The following ECE1 variants were observed in gnomAD, a reference collection of about 807,000 sequenced individuals.
ECE1 encodes the protein endothelin-converting enzyme 1.
In ECE1, 35 loss-of-function variants were observed where a neutral mutation model predicts 98.6. The ratio of observed to expected loss-of-function variants is 0.35; its 90% confidence interval spans 0.27 to 0.47. ECE1 has a LOEUF of 0.47. Ranked by LOEUF, ECE1 falls within the 20% of genes least tolerant of loss-of-function variation. ECE1 has a pLI of 1.00. For missense variants in ECE1, 814 were observed against 1,025.3 expected, an observed-to-expected ratio of 0.79 and a Z score of 2.81; for synonymous variants, 394 against 407.1, an observed-to-expected ratio of 0.97 and a Z score of 0.39.
chr1:21,261,771 T>G (rs907633686), intron 4 of ECE1, among the ~76,000 whole-genome samples: 6 of 151,494 alleles, frequency 4.0e-5, no homozygotes, highest in African/African-American at 1.5e-4. Context: ...TTCGGAGGGG[T>G]GGGGAGAAGA....
chr1:21,220,263 G>A lies in ECE1; in HGVS notation c.2137-132C>T, dbSNP rs2098165716. 9.8e-7 allele frequency: 1 copy of A among 1,016,798 alleles called. No homozygotes were observed. The highest frequency in any genetic ancestry group is 1.4e-6 in the Non-Finnish European group (1 of 712,992). 63.0% of individuals were successfully genotyped at this position (1,016,798 alleles called of 1,614,324 possible). The stretch of plus-strand genomic sequence containing the variant: ...GTAATCCCAGCACTTTGGGAGCCAA[G>A]GTGGAAGGGCTGCTTGAGCCCAGGA... On this transcript the variant is annotated intron_variant, in intron 18 of 18. Transcript: ENST00000374893. This position sits in a 1 kb window ranked among gnomAD's most constrained non-coding sequence, Gnocchi z 5.0.
At chr1:21,284,255 A>G (rs986891115) in intron 2 of ECE1, among the ~76,000 whole-genome samples, 1 of 152,172 alleles carries the variant, frequency 6.6e-6, no homozygotes, top group Non-Finnish European at 1.5e-5. Flanking sequence ...CCCGTCAAGC[A>G]TGGGAGACTG....
chr1:21,228,740 G>C (rs1242056254), intron 14 of ECE1, among the ~76,000 whole-genome samples: 1 of 151,486 alleles, frequency 6.6e-6, no homozygotes, highest in Non-Finnish European at 1.5e-5. Context: ...AGTGAGCTGA[G>C]ATTGAGCCAC....
chr1:21,315,092 T>C (rs1168966819), intron 1 of ECE1, among the ~76,000 whole-genome samples: 1 of 152,228 alleles, frequency 6.6e-6, no homozygotes, highest in Non-Finnish European at 1.5e-5. Context: ...GTTAAGACTG[T>C]CACACTCATT....
chr1:21,255,646 A>G (rs190996670), intron 8 of ECE1, among the ~76,000 whole-genome samples: 14 of 152,318 alleles, frequency 9.2e-5, no homozygotes, highest in Admixed American at 7.8e-4. Flanking sequence ...GGCGCTGTCA[A>G]TGTAAGCTGG....
chr1:21,344,578 C>A (rs935932066), intron 1 of ECE1, among the ~76,000 whole-genome samples: 6 of 152,152 alleles, frequency 3.9e-5, no homozygotes, highest in African/African-American at 9.7e-5. Context: ...AACAGCCCCC[C>A]CCCAGGAAGC....
intron 4 of ECE1, chr1:21,265,991 C>A (rs1016809309): frequency 1.3e-5 from 2 of 152,252 alleles, no homozygotes; most frequent in Non-Finnish European, 2.9e-5. Context: ...CCAGAAGCTT[C>A]CTCAGTCCCT....
chr1:21,292,991 C>T (rs548024062), upstream of ECE1, among the ~76,000 whole-genome samples: 2 of 152,064 alleles, frequency 1.3e-5, no homozygotes, highest in African/African-American at 2.4e-5. Flanking sequence ...TACCAGGTGT[C>T]GATTGCCAGA....
At chr1:21,249,475 C>A (rs997889639) in intron 8 of ECE1, among the ~76,000 whole-genome samples, 1 of 152,036 alleles carries the variant, frequency 6.6e-6, no homozygotes, top group Middle Eastern at 3.4e-3. Context: ...GTGGGCAGAT[C>A]GCTTGAGCCC....
At position 21,219,851 on chromosome 1, in the gene ECE1, G is replaced by A; in HGVS notation, c.*104C>T. ...GAAAACCCGCCAGTGTGAGGAAGCAGGGCCCCGGGTGGCCAAGCGGGCTGA... is the reference window on the plus strand; with the variant it reads ...GAAAACCCGCCAGTGTGAGGAAGCAAGGCCCCGGGTGGCCAAGCGGGCTGA... On this transcript the variant is annotated 3_prime_UTR_variant, in exon 19 of 19. Transcript: ENST00000374893. This position sits in a 1 kb window ranked among gnomAD's most constrained non-coding sequence, Gnocchi z 4.5. 6 of 1,467,906 alleles carry A rather than the reference G, an allele frequency of 4.1e-6. No homozygotes were observed. The highest frequency in any genetic ancestry group is 5.6e-6 in the Non-Finnish European group (6 of 1,067,394). The allele number at this position is 1,467,906 out of a possible 1,614,324, so 90.9% of individuals were successfully genotyped here. A position where few individuals can be genotyped will look rare whatever the true frequency, so the allele number is the denominator to read the frequency against.
At chr1:21,329,673 C>G (rs997841452) in intron 1 of ECE1, among the ~76,000 whole-genome samples, 1 of 152,196 alleles carries the variant, frequency 6.6e-6, no homozygotes, top group Non-Finnish European at 1.5e-5. Flanking sequence ...AAATGCTTCT[C>G]TGTCTGTCTG....
In ECE1 at chr1:21,260,633, T is replaced by C. The variant is rs751238755; in HGVS notation, c.494-241A>G. The stretch of plus-strand genomic sequence containing the variant: ...CTGCAAAGAAAAAGAATCGACCACG[T>C]TTCTCTCCCTCTGCCAGTTGGGTTC... On this transcript the variant is annotated intron_variant, in intron 4 of 18. Transcript: ENST00000374893. The surrounding 1 kb of genome is among the most constrained non-coding windows in gnomAD (Gnocchi z 4.3). Among the ~76,000 whole-genome samples, 11 of 152,212 alleles carry C rather than the reference T, an allele frequency of 7.2e-5. No homozygotes were observed. The highest frequency in any genetic ancestry group is 1.6e-4 in the Non-Finnish European group (11 of 68,008).
intron 1 of ECE1, among the ~76,000 whole-genome samples, chr1:21,301,276 C>T (rs923208893): frequency 4.6e-5 from 7 of 151,930 alleles, no homozygotes; most frequent in Non-Finnish European, 8.8e-5. Context: ...GGGCGGATCA[C>T]GAGGTCAGGA....
intron 1 of ECE1, among the ~76,000 whole-genome samples, chr1:21,326,770 C>G (rs1419007786): frequency 3.9e-5 from 6 of 152,116 alleles, no homozygotes; most frequent in Non-Finnish European, 8.8e-5. Context: ...AGACAGCAGC[C>G]AGCAGCCTGC....
Position 21,319,901 on chromosome 1 carries a change from C to A in ECE1, c.3+25475G>T, listed in dbSNP as rs1638925130. ...TGTCTTGAGTCCACAGGTGTCCCCA[C>A]CCCACTCCAGATCTTCTGTTTACAC... is the stretch of plus-strand genomic sequence containing the variant. On this transcript the variant is annotated intron_variant, in intron 1 of 18. Transcript: ENST00000415912. The surrounding 1 kb of genome is among the most constrained non-coding windows in gnomAD (Gnocchi z 4.4). 6.6e-6 allele frequency among the ~76,000 whole-genome samples: 1 copy of A among 152,176 alleles called. No individual in the cohort carries two copies. The highest frequency in any genetic ancestry group is 6.5e-5 in the Admixed American group (1 of 15,280).
intron 1 of ECE1, among the ~76,000 whole-genome samples, chr1:21,304,539 A>T (rs892725210): frequency 6.6e-6 from 1 of 152,132 alleles, no homozygotes; most frequent in Non-Finnish European, 1.5e-5. Context: ...AAAGAGAGAA[A>T]TATTTCTCAT....
rs764433117 is a variant in ECE1 at position 21,236,828 on chromosome 1, A to C, written c.1406T>G (p.Leu469Arg). Reference protein sequence around the residue: ...DSKSIATEIILEIKKAFEESL... With the variant: ...DSKSIATEIIREIKKAFEESL... ...TTCCTCAAATGCCTTCTTAATCTCCAGGATGATCTCGGTGGCCTGAGGAGA... is the reference window on the plus strand; with the variant it reads ...TTCCTCAAATGCCTTCTTAATCTCCCGGATGATCTCGGTGGCCTGAGGAGA... The change falls in exon 12 of 19, where the codon CTG (leucine) becomes CGG (arginine). Residue 469 changes from leucine (L) to arginine (R), a missense_variant. This residue lies in a region of ECE1 where 452 missense variants were observed against 567.3 expected (regional missense o/e 0.80). Transcript: ENST00000374893. The C allele has an allele frequency of 1.5e-5, 25 of 1,613,434 alleles. No homozygotes were observed. Among genetic ancestry groups the C allele is most frequent in the Non-Finnish European group, 2.1e-5 (25 of 1,179,908 alleles).
intron 9 of ECE1, among the ~76,000 whole-genome samples, chr1:21,245,911 C>A (rs754849636): frequency 6.6e-6 from 1 of 152,170 alleles, no homozygotes; most frequent in East Asian, 1.9e-4. Context: ...CCTGCCCTCC[C>A]CCATGCTTTC....
intron 10 of ECE1, among the ~76,000 whole-genome samples, chr1:21,241,012 T>G (rs1156738880): frequency 6.6e-6 from 1 of 152,210 alleles, no homozygotes; most frequent in Non-Finnish European, 1.5e-5. Context: ...CTCCTGGGTC[T>G]CAACTGAAAT....
Sources: gnomAD v4.1 joint callset for allele counts (sites outside exome capture counted in the v4.1 genomes callset) on GRCh38, gnomAD v4.1.1 for gene constraint, gnomAD v4.1.1 regional missense constraint, Gnocchi (gnomAD v3.1) non-coding constraint, MANE v1.5 for transcripts, NCBI Gene and HGNC (gene_info 2026-07-23, HGNC 2026-07-21) for gene names.